The following UTP6 variants were observed in gnomAD, a reference collection of about 807,000 sequenced individuals.
The protein encoded by UTP6 is U3 small nucleolar RNA-associated protein 6 homolog.
Under a neutral mutation model 96.5 loss-of-function variants are expected in UTP6, and 60 were observed. That is an observed-to-expected ratio of 0.62 (90% CI 0.51 to 0.77). The LOEUF (loss-of-function observed/expected upper bound fraction) is 0.77. Among genes scored for constraint, UTP6 ranks in the 30% least tolerant of loss-of-function variants. The pLI is 0.00. For missense variants in UTP6, 637 were observed against 706.5 expected, an observed-to-expected ratio of 0.90 and a Z score of 1.12; for synonymous variants, 215 against 240.1, an observed-to-expected ratio of 0.90 and a Z score of 0.96.
chr17:31,887,697 C>T (rs1016411670), intron 7 of UTP6: 3 of 152,048 alleles, frequency 2.0e-5, no homozygotes, highest in African/African-American at 7.2e-5. Flanking sequence ...CACGGTGGCT[C>T]ATGCCTGTAA....
intron 3 of UTP6, 91 bp from the exon 4 acceptor site, chr17:31,894,828 G>A (rs1224801125): frequency 9.9e-6 from 13 of 1,318,864 alleles, no homozygotes; most frequent in Admixed American, 2.0e-5. Context: ...TACTGATGAA[G>A]CAAACAAATA....
Position 31,878,730 on chromosome 17 carries a change from T to C in UTP6, c.1019A>G (p.Lys340Arg). The change falls in exon 12 of 19, where the codon AAG becomes AGG. Residue 340 changes from lysine (K) to arginine (R), a missense_variant. Lys to Arg is a conservative substitution (Grantham distance 26, BLOSUM62 2). Transcript: ENST00000261708. ...ITFCLERFTK[K>R]SNSGFLRGKR... ...CCCTCTAAGGAACCCACTATTTGAC[T>C]TCTTAGTAAATCTTTCCAAGCAAAA... 1 of 1,614,174 alleles carries C rather than the reference T, an allele frequency of 6.2e-7. No homozygotes were observed. Among genetic ancestry groups the C allele is most frequent in the Non-Finnish European group, 8.5e-7 (1 of 1,180,032 alleles).
intron 17 of UTP6, among the ~76,000 whole-genome samples, chr17:31,867,369 G>A (rs962270532): frequency 2.0e-5 from 3 of 151,872 alleles, no homozygotes; most frequent in Admixed American, 6.6e-5. Context: ...TTAGCAGGGC[G>A]TGGCAGCCCG....
chr17:31,889,180 G>A (rs898581566), intron 7 of UTP6, 105 bp downstream of exon 7: 18 of 752,824 alleles, frequency 2.4e-5, no homozygotes, highest in East Asian at 2.7e-5. Flanking sequence ...CCAGCTACTC[G>A]GGAGGCTGAG....
intron 3 of UTP6, 110 bp from the exon 4 acceptor site, chr17:31,894,847 T>C: frequency 2.3e-6 from 3 of 1,283,348 alleles, no homozygotes; most frequent in Non-Finnish European, 3.3e-6. Context: ...TAATTACAAA[T>C]ATCCATTATA....
intron 13 of UTP6, among the ~76,000 whole-genome samples, chr17:31,876,735 C>T (rs1199617694): frequency 1.4e-5 from 2 of 144,684 alleles, no homozygotes; most frequent in Admixed American, 7.0e-5. Context: ...AAATAGGCTG[C>T]GCTCAGTGGC....
intron 16 of UTP6, among the ~76,000 whole-genome samples, chr17:31,872,927 C>CA (rs58988382): frequency 0.041 from 5,405 of 131,912 alleles, 269 homozygotes; most frequent in African/African-American, 0.13. Context: ...CTCAAAAAAA[C>CA]AAAAAAAAAA....
At chr17:31,893,328 A>G (rs1006030480) in intron 4 of UTP6, among the ~76,000 whole-genome samples, 1 of 150,836 alleles carries the variant, frequency 6.6e-6, no homozygotes, top group Admixed American at 6.6e-5. Context: ...AGGGAGGCTG[A>G]GGCAGAAGAA....
At chr17:31,875,820 C>CAAAAAAAAAAAAAAAA (rs1012799437) in intron 13 of UTP6, among the ~76,000 whole-genome samples, 1 of 65,816 alleles carries the variant, frequency 1.5e-5, no homozygotes. Context: ...AACTCTATCT[C>CAAAAAAAAAAAAAAAA]AAAAAAAAAA....
Position 31,889,383 on chromosome 17 carries a change from T to TG in UTP6, c.444dup (p.Lys149GlnfsTer32). 1.2e-6 allele frequency: 2 copies of TG among 1,613,580 alleles called. No individual in the cohort carries two copies. The highest frequency in any genetic ancestry group is 1.7e-6 in the Non-Finnish European group (2 of 1,179,724). On this transcript the variant is annotated frameshift_variant, in exon 7 of 19. Transcript: ENST00000261708. LOFTEE classifies it high-confidence loss of function. ...GACAATCGATCTTCCATTTCCCATTTGGCTGCCATAATCCACAAAGCTGTA... is the reference window on the plus strand; with the variant it reads ...GACAATCGATCTTCCATTTCCCATTTGGGCTGCCATAATCCACAAAGCTGTA...
At chr17:31,898,293 T>C (rs1298289218) in intron 2 of UTP6, among the ~76,000 whole-genome samples, 2 of 152,026 alleles carry the variant, frequency 1.3e-5, no homozygotes, top group African/African-American at 4.8e-5. Flanking sequence ...TTCCAGCACT[T>C]TGGGAGGCCG....
intron 15 of UTP6, 47 bp downstream of exon 15, chr17:31,873,626 C>T (rs1228595599): frequency 1.2e-6 from 2 of 1,613,174 alleles, no homozygotes; most frequent in South Asian, 1.1e-5. Flanking sequence ...ACCAGGGAAC[C>T]TTCTGCCATT....
At chr17:31,896,478 GTTCACA>G (rs1904649900) in intron 2 of UTP6, among the ~76,000 whole-genome samples, 1 of 151,956 alleles carries the variant, frequency 6.6e-6, no homozygotes, top group Non-Finnish European at 1.5e-5. Flanking sequence ...TGACTTTCAC[GTTCACA>G]TGATTTGCCC....
intron 7 of UTP6, 92 bp downstream of exon 7, chr17:31,889,193 G>GT (rs1911321316): frequency 1.1e-6 from 1 of 927,124 alleles, no homozygotes; most frequent in Admixed American, 2.4e-5. Flanking sequence ...AGGCTGAGGC[G>GT]TAAGAATTGC....
chr17:31,866,218 T>C (rs1015242713), intron 17 of UTP6, among the ~76,000 whole-genome samples: 402 of 124,264 alleles, frequency 3.2e-3, no homozygotes, highest in African/African-American at 9.0e-3. Context: ...ACCTAGGAGG[T>C]GGAGCTTGCA....
chr17:31,886,056 A>G lies in UTP6; in HGVS notation c.627T>C (p.Asn209=). Residue 209 remains asparagine (N), a synonymous_variant, in exon 9 of 19, where the codon AAT becomes AAC. Coordinates refer to ENST00000261708, the MANE Select transcript of UTP6 (RefSeq NM_018428.3). ...EFEKASMDVE[N]PDYSEEILKG... Reference sequence around the variant, plus strand: ...TAAGGATTTCTTCAGAATAATCAGGATTCTCCTAAAGAGTGTTATATCAAA... The same window carrying G: ...TAAGGATTTCTTCAGAATAATCAGGGTTCTCCTAAAGAGTGTTATATCAAA... 6.2e-7 allele frequency: 1 copy of G among 1,613,128 alleles called. No homozygotes were observed. The highest frequency in any genetic ancestry group is 8.5e-7 in the Non-Finnish European group (1 of 1,179,786).
intron 7 of UTP6, 103 bp downstream of exon 7, chr17:31,889,182 G>A: frequency 1.3e-6 from 1 of 777,176 alleles, no homozygotes; most frequent in Non-Finnish European, 2.0e-6. Flanking sequence ...AGCTACTCGG[G>A]AGGCTGAGGC....
At chr17:31,875,086 TCTA>T in intron 14 of UTP6, 145 bp downstream of exon 14, 1 of 813,050 alleles carries the variant, frequency 1.2e-6, no homozygotes, top group Non-Finnish European at 1.9e-6. Flanking sequence ...AGCAAATTCT[TCTA>T]CTCTTAACCT....
chr17:31,885,971 G>T lies in UTP6; in HGVS notation c.703+9C>A. On this transcript the variant is annotated intron_variant, in intron 9 of 18. Coordinates refer to ENST00000261708, the MANE Select transcript of UTP6 (RefSeq NM_018428.3). ...TTCCTACCAAAAATAATGTTCAAAA[G>T]ATACCTACCTTTAATTATGCTTACA... 6.2e-7 allele frequency: 1 copy of T among 1,607,236 alleles called. No individual in the cohort carries two copies. Among genetic ancestry groups the T allele is most frequent in the South Asian group, 1.1e-5 (1 of 89,374 alleles).
Sources: gnomAD v4.1 joint callset for allele counts (sites outside exome capture counted in the v4.1 genomes callset) on GRCh38, gnomAD v4.1.1 for gene constraint, MANE v1.5 for transcripts, NCBI Gene and HGNC (gene_info 2026-07-23, HGNC 2026-07-21) for gene names.